FHOD3: variants seen among roughly 807,000 people sequenced by gnomAD.
FHOD3 encodes formin homology 2 domain containing 3.
Under a neutral mutation model 173.0 loss-of-function variants are expected in FHOD3, and 90 were observed. The observed-to-expected ratio is 0.52, with a 90% CI of 0.44 to 0.62. The LOEUF is 0.62. FHOD3 is among the 20% of genes least tolerant of loss of function. FHOD3 has a pLI of 0.00. For missense variants in FHOD3, 1,945 were observed against 2,034.7 expected (o/e 0.96, Z 0.85); for synonymous variants, 828 against 823.0 (o/e 1.01, Z -0.10).
chr18:36,581,519 C>T (rs1568454843), intron 6 of FHOD3, among the ~76,000 whole-genome samples: 2 of 152,198 alleles, frequency 1.3e-5, no homozygotes, highest in Admixed American at 6.5e-5. Context: ...TCTAAGTTCC[C>T]ATCAGCCCCA....
chr18:36,410,517 G>A (rs2049301556), intron 3 of FHOD3, among the ~76,000 whole-genome samples: 2 of 151,920 alleles, frequency 1.3e-5, no homozygotes, highest in South Asian at 4.1e-4. Context: ...ACCTAGAATG[G>A]GATGGTTAGA....
chr18:36,363,858 A>C (rs2046755099), intron 2 of FHOD3, among the ~76,000 whole-genome samples: 1 of 149,360 alleles, frequency 6.7e-6, no homozygotes, highest in African/African-American at 2.5e-5. Context: ...CATCTTGCAC[A>C]CTAATGCAAG....
At chr18:36,315,460 A>G (rs1349058609) in intron 1 of FHOD3, among the ~76,000 whole-genome samples, 1 of 151,914 alleles carries the variant, frequency 6.6e-6, no homozygotes, top group East Asian at 1.9e-4. Flanking sequence ...TGATTCTCTT[A>G]TTCCACCCAG....
At chr18:36,686,744 A>C (rs531801906) in intron 15 of FHOD3, among the ~76,000 whole-genome samples, 1 of 152,262 alleles carries the variant, frequency 6.6e-6, no homozygotes, top group African/African-American at 2.4e-5. Flanking sequence ...GGCTGTTATG[A>C]AGCTACCAGA....
At position 36,779,912 on chromosome 18, in the gene FHOD3, A is replaced by G; in HGVS notation, c.*382A>G. 1 of 425,310 alleles carries G rather than the reference A, an allele frequency of 2.4e-6. No homozygotes were observed. The highest frequency in any genetic ancestry group is 4.1e-6 in the Non-Finnish European group (1 of 244,026). The allele number at this position is 425,310 out of a possible 1,614,324, so 26.3% of individuals were successfully genotyped here. A position where few individuals can be genotyped will look rare whatever the true frequency, so the allele number is the denominator to read the frequency against. On this transcript the variant is annotated 3_prime_UTR_variant, in exon 29 of 29. Coordinates refer to ENST00000590592, the MANE Select transcript of FHOD3 (RefSeq NM_001281740.3). Reference sequence around the variant, plus strand: ...ACAGACTGAGTCTCCACAACACCAAAATATCCAGATGTAAACCCCAAACTT... The same window carrying G: ...ACAGACTGAGTCTCCACAACACCAAGATATCCAGATGTAAACCCCAAACTT...
intron 5 of FHOD3, among the ~76,000 whole-genome samples, chr18:36,554,190 A>G (rs1465340660): frequency 2.0e-5 from 3 of 152,316 alleles, no homozygotes; most frequent in Non-Finnish European, 2.9e-5. Context: ...ATGCACATGT[A>G]TGTTTATTGT....
rs1465774220 is a variant in FHOD3, at chr18:36,618,310, G to GTTTTT, written c.957+6215_957+6216insTTTTT. On this transcript the variant is annotated intron_variant, in intron 9 of 28. Transcript: ENST00000590592. ...CCATTTGGTAATGATGTTTTTTGGT[G>GTTTTT]GTTTTTTTTTTTTTTTTTTTTTTGA... Among the ~76,000 whole-genome samples, 399 of 85,154 alleles carry GTTTTT rather than the reference G, an allele frequency of 4.7e-3. 15 individuals carry two copies. Among genetic ancestry groups the GTTTTT allele is most frequent in the Non-Finnish European group, 5.6e-3 (239 of 42,654 alleles). 55.9% of individuals were successfully genotyped at this position (85,154 alleles called of 152,430 possible). A position where few individuals can be genotyped will look rare whatever the true frequency, so the allele number is the denominator to read the frequency against.
At chr18:36,635,717 C>G (rs1323093007) in intron 10 of FHOD3, among the ~76,000 whole-genome samples, 2 of 152,168 alleles carry the variant, frequency 1.3e-5, no homozygotes, top group Non-Finnish European at 2.9e-5. Context: ...GATGGAAATT[C>G]CCATAGTCAG....
intron 4 of FHOD3, among the ~76,000 whole-genome samples, chr18:36,502,985 C>A (rs1044787815): frequency 6.6e-6 from 1 of 152,110 alleles, no homozygotes; most frequent in Admixed American, 6.5e-5. Context: ...TTTATTCATT[C>A]TTCTATTGGC....
chr18:36,512,565 A>G (rs1482940250), intron 5 of FHOD3, 22 bp downstream of exon 5: 5 of 1,536,812 alleles, frequency 3.3e-6, no homozygotes, highest in Non-Finnish European at 4.5e-6. Flanking sequence ...CTGGGCATGC[A>G]GCAGCTGCCC....
intron 2 of FHOD3, among the ~76,000 whole-genome samples, chr18:36,357,877 T>A (rs2046436791): frequency 6.6e-6 from 1 of 152,164 alleles, no homozygotes; most frequent in East Asian, 1.9e-4. Flanking sequence ...TCTTCTTTCT[T>A]ATCAAAACTT....
chr18:36,724,430 G>C (rs2040949823), intron 19 of FHOD3, among the ~76,000 whole-genome samples: 1 of 152,238 alleles, frequency 6.6e-6, no homozygotes, highest in African/African-American at 2.4e-5. Flanking sequence ...GCCGAGAACA[G>C]GCACAGCTCT....
At chr18:36,409,339 C>T (rs555368379) in intron 3 of FHOD3, among the ~76,000 whole-genome samples, 9 of 152,320 alleles carry the variant, frequency 5.9e-5, no homozygotes, top group African/African-American at 9.6e-5. Flanking sequence ...TTCGAGGCAG[C>T]GGAAGCTCTT....
At chr18:36,609,088 A>G (rs1173316677) in intron 8 of FHOD3, among the ~76,000 whole-genome samples, 4 of 152,270 alleles carry the variant, frequency 2.6e-5, no homozygotes, top group African/African-American at 9.6e-5. Context: ...AGAGATTTGT[A>G]AAGATTTACT....
At chr18:36,327,511 G>A (rs1438622767) in intron 1 of FHOD3, among the ~76,000 whole-genome samples, 3 of 152,224 alleles carry the variant, frequency 2.0e-5, no homozygotes, top group African/African-American at 7.2e-5. Context: ...GACTCTGCAA[G>A]GTGGTTGGTA....
At chr18:36,370,203 C>G (rs191794673) in intron 2 of FHOD3, among the ~76,000 whole-genome samples, 47 of 152,228 alleles carry the variant, frequency 3.1e-4, no homozygotes, top group African/African-American at 9.2e-4. Context: ...TTCCACCATC[C>G]TTGTTTCCCA....
intron 6 of FHOD3, among the ~76,000 whole-genome samples, chr18:36,586,915 C>T (rs1156353519): frequency 6.6e-6 from 1 of 151,984 alleles, no homozygotes; most frequent in African/African-American, 2.4e-5. Flanking sequence ...AAGCCAGTCC[C>T]CAAAAAAGGG....
In FHOD3 at chr18:36,328,342, C is replaced by T. The variant is rs542977790; in HGVS notation, c.166-27197C>T. 6.0e-4 allele frequency among the ~76,000 whole-genome samples: 91 copies of T among 152,140 alleles called. 1 individual carries two copies. Among genetic ancestry groups the T allele is most frequent in the African/African-American group, 2.0e-3 (84 of 41,510 alleles). ...GTGGGAGAGAGGAGAACACATGGCT[C>T]TGGGTGAGGAGCTTTCTGGGTGGGG... is the stretch of plus-strand genomic sequence containing the variant. On this transcript the variant is annotated intron_variant, in intron 1 of 28. Coordinates refer to ENST00000590592, the MANE Select transcript of FHOD3 (RefSeq NM_001281740.3).
At chr18:36,361,298 GC>G (rs750244910) in intron 2 of FHOD3, among the ~76,000 whole-genome samples, 1 of 152,116 alleles carries the variant, frequency 6.6e-6, no homozygotes, top group Non-Finnish European at 1.5e-5. Flanking sequence ...TAGCCCAGAG[GC>G]CCTGCACACC....
Sources: allele counts gnomAD v4.1 joint callset (sites outside exome capture counted in the v4.1 genomes callset), GRCh38; gene constraint gnomAD v4.1.1; transcripts MANE v1.5; gene names NCBI Gene and HGNC (gene_info 2026-07-23, HGNC 2026-07-21).